ABCG1: variants seen among roughly 807,000 people sequenced by gnomAD.
ABCG1 encodes ATP binding cassette subfamily G member 1.
ABCG1 carries 29 observed loss-of-function variants against 69.2 expected under a neutral mutation model. That is an observed-to-expected ratio of 0.42 (90% CI 0.31 to 0.57). ABCG1 has a LOEUF of 0.57. Among genes scored for constraint, ABCG1 ranks in the 20% least tolerant of loss-of-function variants. The pLI, the probability that ABCG1 is intolerant of heterozygous loss-of-function variation, is 0.15. For synonymous variants in ABCG1, 370 were observed against 374.8 expected, an observed-to-expected ratio of 0.99 and a Z score of 0.15; for missense variants, 718 against 898.1, an observed-to-expected ratio of 0.80 and a Z score of 2.56.
intron 2 of ABCG1, among the ~76,000 whole-genome samples, chr21:42,248,218 C>T (rs1401757125): frequency 2.0e-5 from 3 of 152,188 alleles, no homozygotes; most frequent in African/African-American, 7.2e-5. Flanking sequence ...TCTGATTTAT[C>T]CCCCAGCCAG....
intron 2 of ABCG1, among the ~76,000 whole-genome samples, chr21:42,239,425 G>A (rs1323058554): frequency 6.6e-6 from 1 of 152,258 alleles, no homozygotes; most frequent in East Asian, 1.9e-4. Context: ...CATTCTAAAT[G>A]TGAAGTGTGG....
At chr21:42,275,453 T>A (rs937242042) in intron 4 of ABCG1, among the ~76,000 whole-genome samples, 2 of 152,214 alleles carry the variant, frequency 1.3e-5, no homozygotes, top group African/African-American at 2.4e-5. Context: ...AAGTTTTTCT[T>A]GACCCTAATG....
intron 2 of ABCG1, 152 bp downstream of exon 2, chr21:42,226,066 C>G: frequency 1.1e-6 from 1 of 935,338 alleles, no homozygotes; most frequent in Non-Finnish European, 1.6e-6. Flanking sequence ...CTATTGCTTT[C>G]TGCCTGAATT....
At chr21:42,277,323 G>C (rs1310660675) in intron 5 of ABCG1, among the ~76,000 whole-genome samples, 1 of 152,156 alleles carries the variant, frequency 6.6e-6, no homozygotes, top group African/African-American at 2.4e-5. Flanking sequence ...AATGAAGATG[G>C]TTAGTCATTC....
intron 8 of ABCG1, among the ~76,000 whole-genome samples, chr21:42,286,665 C>T (rs900543853): frequency 6.6e-6 from 1 of 152,138 alleles, no homozygotes; most frequent in South Asian, 2.1e-4. Flanking sequence ...GGGTCACTAA[C>T]GGATGCTGCT....
chr21:42,212,838 T>C (rs575926548), upstream of ABCG1, among the ~76,000 whole-genome samples: 9 of 151,534 alleles, frequency 5.9e-5, no homozygotes, highest in East Asian at 9.8e-4. Context: ...GGGCTACAGG[T>C]GCCCGCTACC....
At position 42,276,780 on chromosome 21, in the gene ABCG1, A is replaced by G. The variant is rs1601430711; in HGVS notation, c.538-115A>G. 2 of 1,056,130 alleles carry G rather than the reference A, an allele frequency of 1.9e-6. No homozygotes were observed. The highest frequency in any genetic ancestry group is 4.8e-5 in the East Asian group (2 of 41,780). The allele number at this position is 1,056,130 out of a possible 1,614,324, so 65.4% of individuals were successfully genotyped here. A position where few individuals can be genotyped will look rare whatever the true frequency, so the allele number is the denominator to read the frequency against. ...GGGTAGCTGCACCGTGGCTAGTGGCACTGTGGCTAGCTGCATCTTGGCTAG... is the reference window on the plus strand; with the variant it reads ...GGGTAGCTGCACCGTGGCTAGTGGCGCTGTGGCTAGCTGCATCTTGGCTAG... On this transcript the variant is annotated intron_variant, in intron 4 of 14. Coordinates refer to ENST00000398449, the MANE Select transcript of ABCG1 (RefSeq NM_016818.3). The surrounding 1 kb of genome is among the most constrained non-coding windows in gnomAD (Gnocchi z 5.3).
At chr21:42,245,072 C>T (rs1405709347) in intron 2 of ABCG1, among the ~76,000 whole-genome samples, 1 of 152,218 alleles carries the variant, frequency 6.6e-6, no homozygotes, top group African/African-American at 2.4e-5. Context: ...GCAGTGGGAG[C>T]TGAGCGTCTG....
intron 14 of ABCG1, chr21:42,295,009 T>C (rs934113358): frequency 2.4e-5 from 6 of 246,230 alleles, no homozygotes; most frequent in Non-Finnish European, 4.9e-5. Flanking sequence ...CAAGTGCTGA[T>C]TGTAAAACCT....
chr21:42,290,390 G>A (rs1352630915), intron 11 of ABCG1, among the ~76,000 whole-genome samples, 172 bp downstream of exon 11: 2 of 152,114 alleles, frequency 1.3e-5, no homozygotes, highest in African/African-American at 4.8e-5. Context: ...TTTGCTGTTA[G>A]ATAAGAAAAT....
Position 42,285,866 on chromosome 21 carries a change from T to C in ABCG1, c.859-14T>C, listed in dbSNP as rs749111166. On this transcript the variant is annotated splice_polypyrimidine_tract_variant and intron_variant, in intron 7 of 14. Coordinates refer to ENST00000398449, the MANE Select transcript of ABCG1 (RefSeq NM_016818.3). ...GGCAGGGCTTGATCCCTTTTTCTCC[T>C]TCCTTTTTTCCAGCTTTACGTCCTG... 2.5e-6 allele frequency: 4 copies of C among 1,597,508 alleles called. No homozygotes were observed. In the African/African-American group the frequency reaches 4.0e-5, roughly 16 times the overall value.
chr21:42,251,132 G>A (rs1259776452), intron 2 of ABCG1, among the ~76,000 whole-genome samples: 2 of 152,220 alleles, frequency 1.3e-5, no homozygotes, highest in East Asian at 3.8e-4. Flanking sequence ...CAGGAGGGAA[G>A]TGGGATTCAG....
rs61735843 is a variant in ABCG1 at position 42,273,345 on chromosome 21, C to G, written c.447C>G (p.Pro149=). The change falls in exon 4 of 15, where the codon CCC becomes CCG. Residue 149 remains proline (P), a synonymous_variant. Transcript: ENST00000398449. This position sits in a 1 kb window ranked among gnomAD's most constrained non-coding sequence, Gnocchi z 5.3. ...MKGAVLINGL[P]RDLRCFRKVS... ...GGGCCGTCCTCATCAACGGCCTGCC[C>G]CGGGACCTGCGCTGCTTCCGGAAGG... is the stretch of plus-strand genomic sequence containing the variant. The G allele has an allele frequency of 9.2e-4, 1,482 of 1,613,868 alleles. 12 individuals are homozygous for G. The African/African-American group carries it at 0.018, about 19-fold the overall frequency.
intron 6 of ABCG1, 105 bp downstream of exon 6, chr21:42,282,524 T>G (rs2068831826): frequency 7.3e-7 from 1 of 1,360,810 alleles, no homozygotes; most frequent in Admixed American, 2.6e-5. Flanking sequence ...TCAGAGGGGG[T>G]GAGTTGAGCT....
intron 2 of ABCG1, among the ~76,000 whole-genome samples, chr21:42,268,384 T>TGCGC (rs1381389257): frequency 4.3e-4 from 59 of 136,618 alleles, no homozygotes; most frequent in African/African-American, 1.9e-3. Context: ...TGTGTGTGTG[T>TGCGC]GTGTGCGCGC....
chr21:42,239,370 A>T (rs1353210099), intron 2 of ABCG1, among the ~76,000 whole-genome samples: 2 of 152,282 alleles, frequency 1.3e-5, no homozygotes, highest in African/African-American at 4.8e-5. Context: ...TAATAAAATC[A>T]TAATAGCTTA....
At position 42,220,082 on chromosome 21, in the gene ABCG1, C is replaced by A. The variant is rs1425572999; in HGVS notation, c.42+778C>A. The stretch of plus-strand genomic sequence containing the variant: ...TTTCCAGGGGTGGTCAGGAATCTCC[C>A]TTTCTGGTTTTCTGGCATTAGGAAC... On this transcript the variant is annotated intron_variant, in intron 1 of 14. Transcript: ENST00000398449. 3.9e-6 allele frequency: 6 copies of A among 1,529,774 alleles called. No individual in the cohort carries two copies. The South Asian group carries it at 6.0e-5, about 15-fold the overall frequency. 94.8% of individuals were successfully genotyped at this position (1,529,774 alleles called of 1,614,324 possible).
At chr21:42,283,348 A>G (rs2068848502) in intron 6 of ABCG1, among the ~76,000 whole-genome samples, 1 of 152,136 alleles carries the variant, frequency 6.6e-6, no homozygotes, top group Admixed American at 6.5e-5. Flanking sequence ...ATGCCCTGAG[A>G]TGGGTGGGCT....
chr21:42,293,550 A>G lies in ABCG1; in HGVS notation c.1654-992A>G, dbSNP rs533975129. Among the ~76,000 whole-genome samples the G allele has an allele frequency of 2.1e-4, 29 of 137,862 alleles. No homozygotes were observed. In the South Asian group the frequency reaches 7.1e-3, roughly 34 times the overall value. The allele number at this position is 137,862 out of a possible 152,430, so 90.4% of individuals were successfully genotyped here. A position where few individuals can be genotyped will look rare whatever the true frequency, so the allele number is the denominator to read the frequency against. On this transcript the variant is annotated intron_variant, in intron 13 of 14. Transcript: ENST00000398449. ...ATACTACACACCACGCACTACACACATACCACACTACACACTACACACCAC... is the reference window on the plus strand; with the variant it reads ...ATACTACACACCACGCACTACACACGTACCACACTACACACTACACACCAC...
Sources: allele counts gnomAD v4.1 joint callset (sites outside exome capture counted in the v4.1 genomes callset), GRCh38; gene constraint gnomAD v4.1.1; non-coding constraint Gnocchi (gnomAD v3.1); transcripts MANE v1.5; gene names NCBI Gene and HGNC (gene_info 2026-07-23, HGNC 2026-07-21).